SLC20A2: variants seen among roughly 807,000 people sequenced by gnomAD.
The protein encoded by SLC20A2 is solute carrier family 20 member 2, also known as sodium-dependent phosphate transporter 2.
A neutral mutation model predicts 61.0 loss-of-function variants in SLC20A2; 30 were observed. That is an observed-to-expected ratio of 0.49 (90% CI 0.37 to 0.67). SLC20A2 has a LOEUF of 0.67. Among genes scored for constraint, SLC20A2 ranks in the 30% least tolerant of loss-of-function variants. The pLI is 0.00. For missense variants in SLC20A2, 626 were observed against 866.4 expected (o/e 0.72, Z 3.48); for synonymous variants, 351 against 353.3 (o/e 0.99, Z 0.07).
chr8:42,479,767 G>A (rs1431952906), intron 1 of SLC20A2, among the ~76,000 whole-genome samples: 1 of 152,174 alleles, frequency 6.6e-6, no homozygotes, highest in Non-Finnish European at 1.5e-5. Context: ...AGAGGTTGCA[G>A]TGACCTGAGA....
rs956540947 is a variant in SLC20A2, at chr8:42,507,888, G to A, written c.-265+33933C>T. Among the ~76,000 whole-genome samples, 18 of 152,322 alleles carry A rather than the reference G, an allele frequency of 1.2e-4. No homozygotes were observed. The South Asian group carries it at 1.7e-3, about 14-fold the overall frequency. On this transcript the variant is annotated intron_variant, in intron 1 of 10. Coordinates refer to the SLC20A2 transcript ENST00000342228. The stretch of plus-strand genomic sequence containing the variant: ...TAATCAAGAAAGGCTGGCCCGGCGC[G>A]GTGGCTCATGCCTGTAATCCCAGCA...
At position 42,474,866 on chromosome 8, in the gene SLC20A2, G is replaced by A. The variant is rs535453561; in HGVS notation, c.-264-2212C>T. ...GAGAGCACAGCCGGCGGGACATGGT[G>A]TAGCAGGCAGCAAAGGCTCACCTGA... On this transcript the variant is annotated intron_variant, in intron 1 of 10. Coordinates refer to ENST00000520262, the MANE Select transcript of SLC20A2 (RefSeq NM_001257180.2). 3.3e-5 allele frequency among the ~76,000 whole-genome samples: 5 copies of A among 149,804 alleles called. No homozygotes were observed. The South Asian group carries it at 1.1e-3, about 32-fold the overall frequency.
chr8:42,477,932 C>T (rs994475987), intron 1 of SLC20A2, among the ~76,000 whole-genome samples: 1 of 151,746 alleles, frequency 6.6e-6, no homozygotes, highest in African/African-American at 2.4e-5. Context: ...TGTTACCAGA[C>T]TGAAGTGCAG....
chr8:42,473,807 A>G (rs1192059387), intron 1 of SLC20A2, among the ~76,000 whole-genome samples: 1 of 152,242 alleles, frequency 6.6e-6, no homozygotes, highest in African/African-American at 2.4e-5. Context: ...TGACCCATCA[A>G]TAAGGTTATT....
intron 8 of SLC20A2, among the ~76,000 whole-genome samples, chr8:42,431,313 G>T (rs1433425450): frequency 6.6e-6 from 1 of 152,092 alleles, no homozygotes; most frequent in Non-Finnish European, 1.5e-5. Context: ...CTGGATAGAA[G>T]ATCAAACCAG....
intron 2 of SLC20A2, among the ~76,000 whole-genome samples, chr8:42,471,415 C>T (rs1807630815): frequency 6.6e-6 from 1 of 152,314 alleles, no homozygotes; most frequent in Non-Finnish European, 1.5e-5. Context: ...CAACTTGAAA[C>T]TGCAATAAAA....
intron 1 of SLC20A2, among the ~76,000 whole-genome samples, chr8:42,474,043 T>G (rs1807862145): frequency 6.6e-6 from 1 of 152,062 alleles, no homozygotes; most frequent in Non-Finnish European, 1.5e-5. Flanking sequence ...TGGTGGCAGA[T>G]GCTTGTAATC....
chr8:42,435,273 C>T (rs1586016635), intron 8 of SLC20A2, among the ~76,000 whole-genome samples: 1 of 152,118 alleles, frequency 6.6e-6, no homozygotes, highest in East Asian at 1.9e-4. Context: ...TGCAGCTGCA[C>T]GTGGGGAGGC....
intron 1 of SLC20A2, among the ~76,000 whole-genome samples, chr8:42,487,731 A>C (rs971406196): frequency 3.9e-5 from 6 of 152,222 alleles, no homozygotes; most frequent in Non-Finnish European, 2.9e-5. Flanking sequence ...TTTTTAAATT[A>C]TGGTAAAATA....
rs1355688015 is a variant in SLC20A2, at chr8:42,430,131, G to A, written c.1642C>T (p.Leu548Phe). The A allele has an allele frequency of 6.2e-7, 1 of 1,613,900 alleles. No homozygotes were observed. Among genetic ancestry groups the A allele is most frequent in the Non-Finnish European group, 8.5e-7 (1 of 1,179,976 alleles). ...FYGGVGICTG[L>F]WVWGRRVIQT... The stretch of plus-strand genomic sequence containing the variant: ...ATCACTCTTCTCCCCCAGACCCAGA[G>A]GCCTGTGCAGATTCCAACTCCTCCA... Residue 548 changes from leucine to phenylalanine, a missense_variant, in exon 9 of 11, where the codon CTC (leucine) becomes TTC (phenylalanine). Leu to Phe is a conservative substitution (Grantham distance 22, BLOSUM62 0). Transcript: ENST00000520262.
chr8:42,497,714 G>GTT (rs35618027), intron 1 of SLC20A2, among the ~76,000 whole-genome samples: 33 of 135,536 alleles, frequency 2.4e-4, no homozygotes, highest in African/African-American at 5.4e-4. Flanking sequence ...CCCTCAATTG[G>GTT]TTTTTTTTTT....
chr8:42,466,963 C>T lies in SLC20A2; in HGVS notation c.290-1046G>A, dbSNP rs891054615. 2.0e-5 allele frequency among the ~76,000 whole-genome samples: 3 copies of T among 152,158 alleles called. No individual in the cohort carries two copies. In the South Asian group the frequency reaches 6.2e-4, roughly 32 times the overall value. On this transcript the variant is annotated intron_variant, in intron 2 of 10. Coordinates refer to ENST00000520262, the MANE Select transcript of SLC20A2 (RefSeq NM_001257180.2). Reference sequence around the variant, plus strand: ...GGGATTACAGGCATGAGCTGCCACACTCAGCTAATTATTAAAATTTTTTTG... The same window carrying T: ...GGGATTACAGGCATGAGCTGCCACATTCAGCTAATTATTAAAATTTTTTTG...
chr8:42,541,852 C>T (rs1361765768), exon 1 of SLC20A2: 1 of 151,634 alleles, frequency 6.6e-6, no homozygotes, highest in African/African-American at 2.4e-5. Flanking sequence ...CCCCGAAACT[C>T]CGAGCACCCG....
intron 1 of SLC20A2, among the ~76,000 whole-genome samples, chr8:42,517,382 C>T (rs892763163): frequency 7.5e-6 from 1 of 132,822 alleles, no homozygotes; most frequent in African/African-American, 2.8e-5. Flanking sequence ...AAAAAAAAAA[C>T]AATAATAAAA....
chr8:42,436,570 C>T (rs1804275860), intron 8 of SLC20A2, among the ~76,000 whole-genome samples: 1 of 152,220 alleles, frequency 6.6e-6, no homozygotes, highest in Non-Finnish European at 1.5e-5. Flanking sequence ...GAGGCGAGGC[C>T]TTCCTTCCTG....
intron 1 of SLC20A2, among the ~76,000 whole-genome samples, chr8:42,491,261 T>C (rs1164949721): frequency 6.6e-6 from 1 of 152,076 alleles, no homozygotes; most frequent in Non-Finnish European, 1.5e-5. Flanking sequence ...ATGCCTGCAA[T>C]CCCAGAAATT....
intron 1 of SLC20A2, among the ~76,000 whole-genome samples, chr8:42,478,714 T>C (rs556708069): frequency 6.6e-6 from 1 of 152,270 alleles, no homozygotes; most frequent in South Asian, 2.1e-4. Context: ...TGCTGAGCTT[T>C]ATTTATTGAG....
In SLC20A2 at chr8:42,522,912, G is replaced by T. The variant is rs74200673; in HGVS notation, c.-265+18909C>A. Among the ~76,000 whole-genome samples, 96 of 148,992 alleles carry T rather than the reference G, an allele frequency of 6.4e-4. 4 individuals carry two copies. The East Asian group carries it at 0.018, about 28-fold the overall frequency. ...AAAATCTGTAGAGATGGCGGGGTGG[G>T]GGGGGTCTCTCTGTGTTGCCCAGGT... On this transcript the variant is annotated intron_variant, in intron 1 of 10. Transcript: ENST00000342228.
At chr8:42,430,673 G>GT (rs1163042379) in intron 8 of SLC20A2, among the ~76,000 whole-genome samples, 2 of 152,038 alleles carry the variant, frequency 1.3e-5, no homozygotes, top group African/African-American at 2.4e-5. Context: ...CAGATAGGAT[G>GT]TTTTTTATGA....
Sources: allele counts gnomAD v4.1 joint callset (sites outside exome capture counted in the v4.1 genomes callset), GRCh38; gene constraint gnomAD v4.1.1; transcripts MANE v1.5; gene names NCBI Gene and HGNC (gene_info 2026-07-23, HGNC 2026-07-21).